The following TOX2 variants were observed in gnomAD, a reference collection of about 807,000 sequenced individuals.
The protein encoded by TOX2 is granulosa cell HMG box 1.
TOX2 carries 15 observed loss-of-function variants against 47.4 expected under a neutral mutation model. The observed-to-expected ratio is 0.32, with a 90% CI of 0.21 to 0.49. The LOEUF (loss-of-function observed/expected upper bound fraction) is 0.49, where lower values mean the gene tolerates loss of function less well. Among genes scored for constraint, TOX2 ranks in the 20% least tolerant of loss-of-function variants. The pLI is 0.99. For missense variants in TOX2, 622 were observed against 673.1 expected (o/e 0.92, Z 0.84); for synonymous variants, 290 against 296.6 (o/e 0.98, Z 0.23).
chr20:44,064,365 A>G (rs2145795479), intron 5 of TOX2, among the ~76,000 whole-genome samples: 1 of 152,326 alleles, frequency 6.6e-6, no homozygotes, highest in East Asian at 1.9e-4. Context: ...TTAATAAAAA[A>G]TATTAGCAAA....
At chr20:44,053,613 TAC>T (rs962168889) in intron 4 of TOX2, among the ~76,000 whole-genome samples, 23 of 146,822 alleles carry the variant, frequency 1.6e-4, no homozygotes, top group East Asian at 3.9e-4. Flanking sequence ...TATATACATA[TAC>T]ACACACACAC....
At position 43,946,295 on chromosome 20, in the gene TOX2, ATCATTCATTCAT is replaced by A. The variant is rs111479360; in HGVS notation, c.100-27056_100-27045del. 6.9e-3 allele frequency among the ~76,000 whole-genome samples: 1,051 copies of A among 152,006 alleles called. 16 individuals are homozygous for A. The highest frequency in any genetic ancestry group is 0.058 in the East Asian group (299 of 5,158). ...GGCCTTGGTGCCCAGGCTGCTCAGG[ATCATTCATTCAT>A]TCATTCATTCATTCAGCACACCCTG... On this transcript the variant is annotated intron_variant, in intron 1 of 8. Coordinates refer to ENST00000341197, the MANE Select transcript of TOX2 (RefSeq NM_001098797.2).
At chr20:44,034,225 C>G (rs1252034424) in intron 3 of TOX2, among the ~76,000 whole-genome samples, 1 of 152,028 alleles carries the variant, frequency 6.6e-6, no homozygotes, top group Non-Finnish European at 1.5e-5. Flanking sequence ...CTGCAGACTT[C>G]AAGAGTCAGT....
chr20:44,022,953 C>A (rs1032787970), intron 3 of TOX2, among the ~76,000 whole-genome samples: 3 of 149,984 alleles, frequency 2.0e-5, no homozygotes, highest in Non-Finnish European at 4.4e-5. Flanking sequence ...AAGAAACAGG[C>A]ACCAGACGGG....
chr20:43,980,699 TCAA>T (rs1270709184), intron 2 of TOX2, among the ~76,000 whole-genome samples: 2 of 152,142 alleles, frequency 1.3e-5, no homozygotes, highest in Admixed American at 6.5e-5. Flanking sequence ...TTAAACATAC[TCAA>T]GGGAACCATA....
chr20:43,992,235 T>A (rs915362993), intron 2 of TOX2, among the ~76,000 whole-genome samples: 10 of 152,138 alleles, frequency 6.6e-5, no homozygotes, highest in African/African-American at 2.4e-4. Flanking sequence ...GTGGAAGAAC[T>A]GGGAGACTTA....
chr20:43,933,821 C>A (rs1241400394), intron 1 of TOX2, among the ~76,000 whole-genome samples: 1 of 152,030 alleles, frequency 6.6e-6, no homozygotes, highest in African/African-American at 2.4e-5. Context: ...GCACTCAGCC[C>A]CCGGGGTGTG....
At chr20:44,043,585 G>A (rs1369332146) in intron 3 of TOX2, among the ~76,000 whole-genome samples, 1 of 152,128 alleles carries the variant, frequency 6.6e-6, no homozygotes, top group Non-Finnish European at 1.5e-5. Context: ...GGTCCACGTT[G>A]GTCAGGTTAA....
chr20:43,970,246 G>T (rs1202927958), intron 1 of TOX2, among the ~76,000 whole-genome samples: 1 of 152,218 alleles, frequency 6.6e-6, no homozygotes, highest in Non-Finnish European at 1.5e-5. Flanking sequence ...CTATCTGTTT[G>T]CTTGGTTTTA....
chr20:44,022,797 C>T (rs532023254), intron 3 of TOX2, among the ~76,000 whole-genome samples: 2 of 152,170 alleles, frequency 1.3e-5, no homozygotes, highest in African/African-American at 2.4e-5. Context: ...GACCTGCCTT[C>T]GTTAGAAATT....
intron 1 of TOX2, among the ~76,000 whole-genome samples, chr20:43,972,066 T>A (rs1382529801): frequency 6.6e-6 from 1 of 152,184 alleles, no homozygotes. Flanking sequence ...GGTGCCCCAC[T>A]CAGAACCCTT....
At position 44,066,834 on chromosome 20, in the gene TOX2, G is replaced by A. The variant is rs1331497399; in HGVS notation, c.1461G>A (p.Gly487=). 1 of 1,613,936 alleles carries A rather than the reference G, an allele frequency of 6.2e-7. No homozygotes were observed. The highest frequency in any genetic ancestry group is 1.3e-5 in the African/African-American group (1 of 74,918). ...SGDWDSSYPS[G]ECGISTCSLL... ...ACTGGGACAGCAGCTACCCCAGTGG[G>A]GAGTGTGGCATCAGCACCTGCAGGT... Residue 487 remains glycine, a synonymous_variant, in exon 8 of 9, where the codon GGG becomes GGA. Coordinates refer to ENST00000341197, the MANE Select transcript of TOX2 (RefSeq NM_001098797.2).
chr20:44,019,558 T>C (rs8118575), intron 3 of TOX2, among the ~76,000 whole-genome samples: 1,784 of 152,270 alleles, frequency 0.012, 37 homozygotes, highest in African/African-American at 0.041. Context: ...AGTGTTGGTT[T>C]AATGGCTCTG....
At chr20:44,042,220 C>T (rs1015384057) in intron 3 of TOX2, among the ~76,000 whole-genome samples, 5 of 152,340 alleles carry the variant, frequency 3.3e-5, no homozygotes, top group African/African-American at 1.2e-4. Flanking sequence ...CATCAGATCT[C>T]ATGAGACGTA....
intron 3 of TOX2, among the ~76,000 whole-genome samples, chr20:44,048,437 G>A (rs1453358989): frequency 1.9e-5 from 2 of 103,176 alleles, no homozygotes; most frequent in South Asian, 5.7e-4. Flanking sequence ...AAACTGACTC[G>A]AGAGAAAATG....
At chr20:44,030,269 A>G (rs2071129127) in intron 3 of TOX2, among the ~76,000 whole-genome samples, 1 of 151,988 alleles carries the variant, frequency 6.6e-6, no homozygotes, top group East Asian at 1.9e-4. Flanking sequence ...ACCAGTCCCC[A>G]ATCCTAAGTC....
At chr20:43,930,959 TTTA>T (rs932975281) in intron 1 of TOX2, among the ~76,000 whole-genome samples, 4 of 152,138 alleles carry the variant, frequency 2.6e-5, no homozygotes, top group Non-Finnish European at 4.4e-5. Flanking sequence ...ATTCCTGATG[TTTA>T]TTGTTTATGT....
At chr20:44,009,982 G>A (rs1224312963) in intron 3 of TOX2, among the ~76,000 whole-genome samples, 2 of 152,154 alleles carry the variant, frequency 1.3e-5, no homozygotes, top group Non-Finnish European at 2.9e-5. Context: ...TCCTTGTCTT[G>A]GAATCATAAT....
intron 4 of TOX2, among the ~76,000 whole-genome samples, chr20:44,052,729 G>A (rs933695531): frequency 6.6e-6 from 1 of 152,198 alleles, no homozygotes; most frequent in East Asian, 1.9e-4. Context: ...GGACACTGAG[G>A]CACAGAGAGG....
Sources: gnomAD v4.1 joint callset for allele counts (sites outside exome capture counted in the v4.1 genomes callset) on GRCh38, gnomAD v4.1.1 for gene constraint, MANE v1.5 for transcripts, NCBI Gene and HGNC (gene_info 2026-07-23, HGNC 2026-07-21) for gene names.